CABIN1: variants seen among roughly 807,000 people sequenced by gnomAD.
CABIN1 encodes the protein calcineurin binding protein 1, also known as calcineurin-binding protein cabin-1.
Under a neutral mutation model 227.7 loss-of-function variants are expected in CABIN1, and 133 were observed. That is an observed-to-expected ratio of 0.58 (90% CI 0.51 to 0.67). The LOEUF (loss-of-function observed/expected upper bound fraction) is 0.67. CABIN1 is among the 30% of genes least tolerant of loss of function. The pLI is 0.00. For missense variants in CABIN1, 2,408 were observed against 2,852.5 expected, an observed-to-expected ratio of 0.84 and a Z score of 3.55; for synonymous variants, 1,086 against 1,155.1, an observed-to-expected ratio of 0.94 and a Z score of 1.21.
Position 24,076,297 on chromosome 22 carries a change from C to A in CABIN1, c.2748+13C>A, listed in dbSNP as rs753534512. ...GCTGCGATTCTATGTAAGTGCTTCC[C>A]CTTGGGCTGCAGACTGCCAGTGCGG... On this transcript the variant is annotated intron_variant, in intron 19 of 36. Transcript: ENST00000263119. 8 of 1,605,994 alleles carry A rather than the reference C, an allele frequency of 5.0e-6. No individual in the cohort carries two copies. The highest frequency in any genetic ancestry group is 6.8e-6 in the Non-Finnish European group (8 of 1,172,690).
chr22:24,167,836 AC>A (rs1215276378), intron 32 of CABIN1, among the ~76,000 whole-genome samples: 1 of 152,154 alleles, frequency 6.6e-6, no homozygotes, highest in African/African-American at 2.4e-5. Context: ...AATGCATCCT[AC>A]CCCCAACTGC....
chr22:24,115,768 G>A (rs535827478), intron 27 of CABIN1, among the ~76,000 whole-genome samples: 3 of 152,350 alleles, frequency 2.0e-5, no homozygotes, highest in Non-Finnish European at 2.9e-5. Context: ...GCAGTGTTGA[G>A]TGCGGGCCCC....
chr22:24,020,085 G>A (rs2035611877), intron 1 of CABIN1, among the ~76,000 whole-genome samples: 1 of 152,118 alleles, frequency 6.6e-6, no homozygotes, highest in Non-Finnish European at 1.5e-5. Flanking sequence ...TGAAATTAAT[G>A]GACATGCCTC....
intron 1 of CABIN1, among the ~76,000 whole-genome samples, chr22:24,030,157 C>A (rs1319846627): frequency 6.6e-6 from 1 of 152,164 alleles, no homozygotes; most frequent in East Asian, 1.9e-4. Context: ...ACAATTTATT[C>A]TATGGCCATC....
chr22:24,035,122 T>C (rs184582262), intron 1 of CABIN1, among the ~76,000 whole-genome samples: 11 of 152,370 alleles, frequency 7.2e-5, no homozygotes, highest in African/African-American at 2.6e-4. Flanking sequence ...CTTTAGATGT[T>C]GCCTGTGTTT....
At chr22:24,144,757 C>T (rs1439379113) in intron 29 of CABIN1, among the ~76,000 whole-genome samples, 5 of 152,242 alleles carry the variant, frequency 3.3e-5, no homozygotes, top group Admixed American at 2.0e-4. Flanking sequence ...GAGGCCATTT[C>T]CAGTCAGGGC....
chr22:24,137,956 C>T (rs552151772), intron 29 of CABIN1, among the ~76,000 whole-genome samples: 7 of 152,284 alleles, frequency 4.6e-5, no homozygotes, highest in African/African-American at 1.7e-4. Context: ...TAGTGGGAAG[C>T]AAAGGCAGTA....
intron 29 of CABIN1, chr22:24,156,583 TGGCCGCCC>T (rs1176174617): frequency 2.0e-5 from 3 of 150,508 alleles, no homozygotes; most frequent in African/African-American, 7.3e-5. Context: ...GATGGTGAGC[TGGCCGCCC>T]GGCCGGGTGG....
chr22:24,161,753 C>G (rs1163346698), intron 29 of CABIN1, among the ~76,000 whole-genome samples: 1 of 152,226 alleles, frequency 6.6e-6, no homozygotes, highest in Non-Finnish European at 1.5e-5. Context: ...GAACGTGAGT[C>G]CCTGGGCTGA....
At chr22:24,034,251 T>A (rs2036703697) in intron 1 of CABIN1, among the ~76,000 whole-genome samples, 1 of 152,226 alleles carries the variant, frequency 6.6e-6, no homozygotes, top group Non-Finnish European at 1.5e-5. Context: ...CATGGACCAG[T>A]ACTGGTCTGT....
intron 1 of CABIN1, among the ~76,000 whole-genome samples, chr22:24,013,197 C>CTTTTTTTTTT (rs35584227): frequency 8.8e-6 from 1 of 113,514 alleles, no homozygotes; most frequent in African/African-American, 3.5e-5. Context: ...TCTTTTTAAG[C>CTTTTTTTTTT]TTTTTTTTTT....
At chr22:24,164,828 C>T (rs987978384) in intron 30 of CABIN1, among the ~76,000 whole-genome samples, 3 of 152,190 alleles carry the variant, frequency 2.0e-5, no homozygotes, top group African/African-American at 7.2e-5. Context: ...CCCAGCCTTT[C>T]CTTTCCTCCT....
intron 24 of CABIN1, 116 bp downstream of exon 24, chr22:24,091,959 AT>A (rs1270094021): frequency 3.9e-6 from 5 of 1,277,408 alleles, no homozygotes; most frequent in Middle Eastern, 2.0e-4. Context: ...CCGCAAACTT[AT>A]CTGTGTTGAG....
At position 24,035,271 on chromosome 22, in the gene CABIN1, G is replaced by A. The variant is rs557780731; in HGVS notation, c.-74-173G>A. ...TTGCCAGGAAATGATGAATGCTATC[G>A]TAAGGGACCAAGGAGCTCCTTGTGT... On this transcript the variant is annotated intron_variant, in intron 1 of 36. Transcript: ENST00000263119. 5.9e-5 allele frequency among the ~76,000 whole-genome samples: 9 copies of A among 152,250 alleles called. No individual in the cohort carries two copies. The South Asian group carries it at 6.2e-4, about 11-fold the overall frequency.
At chr22:24,160,778 G>A (rs2046106868) in intron 29 of CABIN1, among the ~76,000 whole-genome samples, 1 of 152,244 alleles carries the variant, frequency 6.6e-6, no homozygotes, top group African/African-American at 2.4e-5. Context: ...CCTCGAAGTG[G>A]TGCCACCTGC....
chr22:24,067,618 G>A (rs1216348057), intron 16 of CABIN1, among the ~76,000 whole-genome samples: 1 of 152,240 alleles, frequency 6.6e-6, no homozygotes, highest in Non-Finnish European at 1.5e-5. Flanking sequence ...CTAGCCTTAT[G>A]TTTGAAACCT....
rs981139313 is a variant in CABIN1 at position 24,062,883 on chromosome 22, A to C, written c.1697-76A>C. The C allele has an allele frequency of 1.8e-5, 26 of 1,467,452 alleles. No individual in the cohort carries two copies. In the African/African-American group the frequency reaches 3.5e-4, roughly 20 times the overall value. The allele number at this position is 1,467,452 out of a possible 1,614,324, so 90.9% of individuals were successfully genotyped here. On this transcript the variant is annotated intron_variant, in intron 13 of 36. Transcript: ENST00000263119. The stretch of plus-strand genomic sequence containing the variant: ...AGATAGGGTGGGTGTGGTTAGGGCC[A>C]AGTGCAACTTCTGAGAAGCAGAAGG...
intron 5 of CABIN1, among the ~76,000 whole-genome samples, chr22:24,041,687 C>T (rs2037388126): frequency 6.6e-6 from 1 of 152,178 alleles, no homozygotes; most frequent in Non-Finnish European, 1.5e-5. Flanking sequence ...TATATTAATA[C>T]TTACAGTCAT....
chr22:24,177,423 G>A lies in CABIN1; in HGVS notation c.6206-81G>A, dbSNP rs1039519109. 4.8e-5 allele frequency: 60 copies of A among 1,239,040 alleles called. No individual in the cohort carries two copies. In the Middle Eastern group the frequency reaches 1.4e-3, roughly 29 times the overall value. The allele number at this position is 1,239,040 out of a possible 1,614,324, so 76.8% of individuals were successfully genotyped here. A position where few individuals can be genotyped will look rare whatever the true frequency, so the allele number is the denominator to read the frequency against. ...CACAGCATAAAGGCCCAGGACCTGG[G>A]GGGAGCGGGTGGGGGCGAGATAAAG... On this transcript the variant is annotated intron_variant, in intron 35 of 36. Transcript: ENST00000263119. The surrounding 1 kb of genome is among the most constrained non-coding windows in gnomAD (Gnocchi z 4.4).
Sources: gnomAD v4.1 joint callset for allele counts (sites outside exome capture counted in the v4.1 genomes callset) on GRCh38, gnomAD v4.1.1 for gene constraint, Gnocchi (gnomAD v3.1) non-coding constraint, MANE v1.5 for transcripts, NCBI Gene and HGNC (gene_info 2026-07-23, HGNC 2026-07-21) for gene names.